The following ZNF234 variants were observed in gnomAD, a reference collection of about 807,000 sequenced individuals.
The protein encoded by ZNF234 is zinc finger protein 234.
A neutral mutation model predicts 10.3 loss-of-function variants in ZNF234; 4 were observed. The observed-to-expected ratio is 0.39, with a 90% CI of 0.19 to 0.89. ZNF234 has a LOEUF of 0.89. ZNF234 is among the 40% of genes least tolerant of loss of function. The pLI is 0.38. For missense variants in ZNF234, 711 were observed against 836.1 expected (o/e 0.85, Z 1.85); for synonymous variants, 258 against 280.1 (o/e 0.92, Z 0.79).
At chr19:44,142,696 A>G (rs1449006781) in intron 2 of ZNF234, among the ~76,000 whole-genome samples, 1 of 152,218 alleles carries the variant, frequency 6.6e-6, no homozygotes, top group East Asian at 1.9e-4. Flanking sequence ...CCTTAAGAGC[A>G]AGGCTAATTG....
At chr19:44,148,956 C>T in intron 4 of ZNF234, 59 bp downstream of exon 4, 1 of 1,557,668 alleles carries the variant, frequency 6.4e-7, no homozygotes, top group Non-Finnish European at 8.7e-7. Flanking sequence ...TTTGTGTCTT[C>T]AGGGGTTCAA....
Position 44,158,037 on chromosome 19 carries a change from A to T in ZNF234, c.2021A>T (p.His674Leu). ...RSNLVSHHKI[H>L]AAGTFYENDE... ...AATCTTGTAAGTCATCACAAAATTCATGCTGCTGGTACATTTTATGAAAAT... is the reference window on the plus strand; with the variant it reads ...AATCTTGTAAGTCATCACAAAATTCTTGCTGCTGGTACATTTTATGAAAAT... Residue 674 changes from histidine (H) to leucine (L), a missense_variant, in exon 6 of 6, where the codon CAT (histidine) becomes CTT (leucine). His to Leu is a moderately conservative substitution (Grantham distance 99, BLOSUM62 -3). Transcript: ENST00000426739. 1.9e-6 allele frequency: 3 copies of T among 1,613,748 alleles called. No individual in the cohort carries two copies. Among genetic ancestry groups the T allele is most frequent in the Middle Eastern group, 1.6e-4 (1 of 6,062 alleles).
chr19:44,149,083 C>T (rs926796732), intron 4 of ZNF234, among the ~76,000 whole-genome samples, 186 bp downstream of exon 4: 1 of 152,110 alleles, frequency 6.6e-6, no homozygotes, highest in Non-Finnish European at 1.5e-5. Context: ...TAATGGAATA[C>T]ATAGCAAATA....
At chr19:44,145,420 G>A (rs999351737) in intron 3 of ZNF234, among the ~76,000 whole-genome samples, 18 of 152,134 alleles carry the variant, frequency 1.2e-4, no homozygotes, top group Middle Eastern at 3.4e-3. Flanking sequence ...CTACATAACC[G>A]TTTCCTCAAA....
In ZNF234 at chr19:44,156,652, A is replaced by G; in HGVS notation, c.636A>G (p.Glu212=). Residue 212 remains glutamate (E), a synonymous_variant, in exon 6 of 6, where the codon GAA becomes GAG. Coordinates refer to ENST00000426739, the MANE Select transcript of ZNF234 (RefSeq NM_006630.3). The stretch of plus-strand genomic sequence containing the variant: ...ATAAGTGTGACGTGTGTGGTAAGGA[A>G]TTTAGTCAGAGCTCACATCTTCAAA... The part of the protein sequence containing the change: ...KCYKCDVCGK[E]FSQSSHLQTH... 6.2e-7 allele frequency: 1 copy of G among 1,614,172 alleles called. No individual in the cohort carries two copies. The highest frequency in any genetic ancestry group is 8.5e-7 in the Non-Finnish European group (1 of 1,180,018).
At position 44,157,439 on chromosome 19, in the gene ZNF234, C is replaced by T. The variant is rs375659238; in HGVS notation, c.1423C>T (p.Gln475Ter). The T allele has an allele frequency of 2.7e-5, 44 of 1,613,790 alleles. No individual in the cohort carries two copies. Among genetic ancestry groups the T allele is most frequent in the Admixed American group, 2.5e-4 (15 of 59,992 alleles). ...TCAGAGCTCACGACTTCAGATTCAC[C>T]AGCTGATCCATACCGGTGAGAAACC... The part of the protein sequence containing the change: ...FNQSSRLQIH[Q>*]LIHTGEKPYK... The change falls in exon 6 of 6, where the codon CAG (glutamine) becomes TAG (stop). Residue 475 changes from glutamine (Q) to a stop codon, truncating the protein, a stop_gained. Transcript: ENST00000426739. LOFTEE classifies it low-confidence loss of function (END_TRUNC).
chr19:44,147,043 T>C (rs1055389026), intron 3 of ZNF234, among the ~76,000 whole-genome samples: 6 of 151,874 alleles, frequency 4.0e-5, no homozygotes, highest in Non-Finnish European at 8.8e-5. Flanking sequence ...CTTGAACTCC[T>C]GACCTCATGA....
intron 5 of ZNF234, among the ~76,000 whole-genome samples, chr19:44,154,850 T>A (rs1162157547): frequency 6.6e-6 from 1 of 152,094 alleles, no homozygotes; most frequent in African/African-American, 2.4e-5. Flanking sequence ...TTGCCCAGGC[T>A]GGTCTTGAAC....
chr19:44,150,181 T>C (rs1968703606), intron 4 of ZNF234, among the ~76,000 whole-genome samples: 1 of 152,228 alleles, frequency 6.6e-6, no homozygotes, highest in Admixed American at 6.5e-5. Flanking sequence ...CCTTGCTGTC[T>C]ACCTAAGGCA....
intron 3 of ZNF234, 80 bp from the exon 4 acceptor site, chr19:44,148,691 C>T (rs1344266633): frequency 6.9e-6 from 11 of 1,593,354 alleles, no homozygotes; most frequent in Admixed American, 5.0e-5. Context: ...GCTCCCCCTA[C>T]ATACTCTCCA....
Position 44,158,156 on chromosome 19 carries a change from A to G in ZNF234, c.*37A>G. On this transcript the variant is annotated 3_prime_UTR_variant, in exon 6 of 6. Transcript: ENST00000426739. ...AAAACAGAACTCATGTACAACCTGA[A>G]TGCTTGTAATTAGATTTCATAGGAG... 2 of 1,587,814 alleles carry G rather than the reference A, an allele frequency of 1.3e-6. No individual in the cohort carries two copies. Among genetic ancestry groups the G allele is most frequent in the Non-Finnish European group, 1.7e-6 (2 of 1,169,910 alleles).
Position 44,157,210 on chromosome 19 carries a change from G to A in ZNF234, c.1194G>A (p.Lys398=), listed in dbSNP as rs1968911895. 1.2e-6 allele frequency: 2 copies of A among 1,614,036 alleles called. No individual in the cohort carries two copies. Among genetic ancestry groups the A allele is most frequent in the African/African-American group, 2.7e-5 (2 of 74,918 alleles). ...QAHQGVHTGE[K]PYKCNECGKS... is the part of the protein sequence containing the mutation. ...ATCAGGGAGTCCACACTGGAGAGAA[G>A]CCATACAAATGCAATGAGTGTGGGA... Residue 398 remains lysine (K), a synonymous_variant, in exon 6 of 6, where the codon AAG becomes AAA. Coordinates refer to ENST00000426739, the MANE Select transcript of ZNF234 (RefSeq NM_006630.3).
At chr19:44,154,638 T>TC (rs1968834546) in intron 5 of ZNF234, among the ~76,000 whole-genome samples, 1 of 143,576 alleles carries the variant, frequency 7.0e-6, no homozygotes, top group Non-Finnish European at 1.5e-5. Flanking sequence ...CTTTTTTTTT[T>TC]TTTTTTTTTT....
At position 44,157,594 on chromosome 19, in the gene ZNF234, T is replaced by C; in HGVS notation, c.1578T>C (p.His526=). 1 of 1,613,838 alleles carries C rather than the reference T, an allele frequency of 6.2e-7. No homozygotes were observed. Among genetic ancestry groups the C allele is most frequent in the Non-Finnish European group, 8.5e-7 (1 of 1,179,956 alleles). The change falls in exon 6 of 6, where the codon CAT becomes CAC. Residue 526 remains histidine (H), a synonymous_variant. Coordinates refer to ENST00000426739, the MANE Select transcript of ZNF234 (RefSeq NM_006630.3). ...GGAAGGTCTTCAGTCAGGCCTCGCA[T>C]CTTCTAACCCATCAGAGAGTTCACA... ...ECGKVFSQAS[H]LLTHQRVHSG... is the part of the protein sequence containing the mutation.
In ZNF234 at chr19:44,159,832, G is replaced by C; in HGVS notation, c.*1713G>C. On this transcript the variant is annotated 3_prime_UTR_variant, in exon 6 of 6. Coordinates refer to ENST00000426739, the MANE Select transcript of ZNF234 (RefSeq NM_006630.3). ...GTGAATCACCTGAGGTCAGGACTTA[G>C]AGACCAGCCTGACCAACATGGTGAA... is the stretch of plus-strand genomic sequence containing the variant. 4.5e-6 allele frequency: 1 copy of C among 223,986 alleles called. No homozygotes were observed. Among genetic ancestry groups the C allele is most frequent in the East Asian group, 1.0e-4 (1 of 9,694 alleles). 13.9% of individuals were successfully genotyped at this position (223,986 alleles called of 1,614,324 possible). A position where few individuals can be genotyped will look rare whatever the true frequency, so the allele number is the denominator to read the frequency against.
intron 5 of ZNF234, among the ~76,000 whole-genome samples, chr19:44,152,459 T>C (rs772012584): frequency 3.8e-4 from 58 of 152,216 alleles, no homozygotes; most frequent in Non-Finnish European, 7.1e-4. Flanking sequence ...TTATTTGTTT[T>C]CTGATGGCTG....
At chr19:44,154,630 T>TTTC (rs201780898) in intron 5 of ZNF234, among the ~76,000 whole-genome samples, 11,533 of 99,688 alleles carry the variant, frequency 0.12, 487 homozygotes, top group African/African-American at 0.31. Context: ...CTCTTTTTCT[T>TTTC]TTTTTTTTTT....
At position 44,158,687 on chromosome 19, in the gene ZNF234, A is replaced by G. The variant is rs537866195; in HGVS notation, c.*568A>G. The G allele has an allele frequency of 1.0e-3, 162 of 159,536 alleles. No homozygotes were observed. The highest frequency in any genetic ancestry group is 1.8e-3 in the Non-Finnish European group (131 of 72,392). 9.9% of individuals were successfully genotyped at this position (159,536 alleles called of 1,614,324 possible). On this transcript the variant is annotated 3_prime_UTR_variant, in exon 6 of 6. Transcript: ENST00000426739. ...ACCACACAGCTGAGAACCCTTGTTA[A>G]GTGGTACAGTAAAGCATTCTGTCAA...
rs750860929 is a variant in ZNF234, at chr19:44,156,258, A to G, written c.242A>G (p.Lys81Arg). The change falls in exon 6 of 6, where the codon AAG becomes AGG. Residue 81 changes from lysine (K) to arginine (R), a missense_variant. Coordinates refer to ENST00000426739, the MANE Select transcript of ZNF234 (RefSeq NM_006630.3). ...ATQRKGKSAD[K>R]IQSEVETVPE... ...GAATTCTCTGTCCTTACAGCAGACA[A>G]GATCCAAAGTGAGGTGGAGACTGTT... 12 of 1,545,594 alleles carry G rather than the reference A, an allele frequency of 7.8e-6. No individual in the cohort carries two copies. The East Asian group carries it at 2.2e-4, about 29-fold the overall frequency.
Sources: allele counts gnomAD v4.1 joint callset (sites outside exome capture counted in the v4.1 genomes callset), GRCh38; gene constraint gnomAD v4.1.1; transcripts MANE v1.5; gene names NCBI Gene and HGNC (gene_info 2026-07-23, HGNC 2026-07-21).